The following MYO5B variants were observed in gnomAD, a reference collection of about 807,000 sequenced individuals.
The protein encoded by MYO5B is unconventional myosin-Vb.
A neutral mutation model predicts 229.3 loss-of-function variants in MYO5B; 143 were observed. The ratio of observed to expected loss-of-function variants is 0.62; its 90% CI spans 0.54 to 0.72. The LOEUF (loss-of-function observed/expected upper bound fraction) is 0.72. Among genes scored for constraint, MYO5B ranks in the 30% least tolerant of loss-of-function variants. The pLI, the probability that MYO5B is intolerant of heterozygous loss-of-function variation, is 0.00. For missense variants in MYO5B, 2,321 were observed against 2,331.0 expected (o/e 1.00, Z 0.09); for synonymous variants, 918 against 885.2 (o/e 1.04, Z -0.66).
At chr18:49,896,394 T>C (rs2024779495) in intron 21 of MYO5B, among the ~76,000 whole-genome samples, 1 of 152,204 alleles carries the variant, frequency 6.6e-6, no homozygotes, top group South Asian at 2.1e-4. Context: ...AAGCAGATTC[T>C]ATTTGAACAC....
intron 7 of MYO5B, among the ~76,000 whole-genome samples, chr18:49,988,842 C>T (rs977488782): frequency 6.6e-6 from 1 of 152,168 alleles, no homozygotes; most frequent in African/African-American, 2.4e-5. Flanking sequence ...AGCCCCTGTT[C>T]TGCTTAGCAG....
At chr18:50,022,189 G>C (rs1342295183) in intron 4 of MYO5B, among the ~76,000 whole-genome samples, 1 of 148,092 alleles carries the variant, frequency 6.8e-6, no homozygotes, top group African/African-American at 2.5e-5. Flanking sequence ...CCAGTTAACA[G>C]CATACAGTCT....
chr18:50,089,390 A>T (rs1016015082), intron 1 of MYO5B, among the ~76,000 whole-genome samples: 1 of 152,080 alleles, frequency 6.6e-6, no homozygotes, highest in Admixed American at 6.6e-5. Context: ...AAAAGGAAAA[A>T]AAAAGTTATA....
chr18:49,977,655 A>G (rs1246535416), intron 9 of MYO5B, among the ~76,000 whole-genome samples: 1 of 152,166 alleles, frequency 6.6e-6, no homozygotes, highest in Non-Finnish European at 1.5e-5. Context: ...TGGACTGAAC[A>G]CTGCCTGGGC....
intron 22 of MYO5B, 112 bp from the exon 23 acceptor site, chr18:49,880,567 T>C (rs1033726540): frequency 8.9e-6 from 8 of 899,318 alleles, no homozygotes; most frequent in South Asian, 5.3e-5. Context: ...TTTAAGAAAA[T>C]TGATTTGGTT....
At chr18:50,111,499 T>C (rs2031864583) in intron 1 of MYO5B, among the ~76,000 whole-genome samples, 1 of 152,218 alleles carries the variant, frequency 6.6e-6, no homozygotes, top group Non-Finnish European at 1.5e-5. Context: ...TTCTCCAGAT[T>C]GTATCTCTCA....
intron 3 of MYO5B, among the ~76,000 whole-genome samples, chr18:50,038,152 A>G (rs932712429): frequency 1.3e-5 from 2 of 152,226 alleles, no homozygotes; most frequent in Admixed American, 1.3e-4. Context: ...TTGATCTTTC[A>G]GACAAACAGA....
chr18:50,173,242 G>A (rs2032944085), intron 1 of MYO5B, among the ~76,000 whole-genome samples: 1 of 151,218 alleles, frequency 6.6e-6, no homozygotes, highest in South Asian at 2.1e-4. Flanking sequence ...TCCAGCCTGG[G>A]CAACAGAGCA....
At chr18:49,906,832 C>T (rs2024905464) in intron 18 of MYO5B, among the ~76,000 whole-genome samples, 1 of 152,158 alleles carries the variant, frequency 6.6e-6, no homozygotes, top group Admixed American at 6.5e-5. Flanking sequence ...TGGCAGTGAA[C>T]AAGACGCCTG....
intron 12 of MYO5B, among the ~76,000 whole-genome samples, chr18:49,959,864 G>A (rs11661249): frequency 0.16 from 24,323 of 152,158 alleles, 2,262 homozygotes; most frequent in Non-Finnish European, 0.21. Flanking sequence ...GTCTTGTTAC[G>A]AGCAGCCTGG....
rs1040939554 is a variant in MYO5B, at chr18:49,824,718, G to C, written c.*1753C>G. 5 of 152,216 alleles carry C rather than the reference G, an allele frequency of 3.3e-5. No individual in the cohort carries two copies. The highest frequency in any genetic ancestry group is 1.3e-4 in the Admixed American group (2 of 15,282). The allele number at this position is 152,216 out of a possible 1,614,324, so 9.4% of individuals were successfully genotyped here. A position where few individuals can be genotyped will look rare whatever the true frequency, so the allele number is the denominator to read the frequency against. The stretch of plus-strand genomic sequence containing the variant: ...GTTTTAGATTGGCCTTCTAAATGAA[G>C]TCAGCACATGGATCCATGGGTAAGT... On this transcript the variant is annotated 3_prime_UTR_variant, in exon 40 of 40. Coordinates refer to ENST00000285039, the MANE Select transcript of MYO5B (RefSeq NM_001080467.3).
chr18:49,847,156 G>A lies in MYO5B; in HGVS notation c.4449C>T (p.Asn1483=), dbSNP rs748435645. 1.2e-6 allele frequency: 2 copies of A among 1,614,116 alleles called. No individual in the cohort carries two copies. Among genetic ancestry groups the A allele is most frequent in the East Asian group, 2.2e-5 (1 of 44,876 alleles). The change falls in exon 33 of 40, where the codon AAC becomes AAT. Residue 1483 remains asparagine (N), a synonymous_variant. Coordinates refer to ENST00000285039, the MANE Select transcript of MYO5B (RefSeq NM_001080467.3). ...HKEDEALLIR[N]LVTDLKPQML... ...ACAGAGGGTCCTTACCTGTCACCAGGTTCCGGATGAGGAGGGCCTCGTCCT... is the reference window on the plus strand; with the variant it reads ...ACAGAGGGTCCTTACCTGTCACCAGATTCCGGATGAGGAGGGCCTCGTCCT...
At chr18:50,019,676 G>A (rs1397138784) in intron 4 of MYO5B, among the ~76,000 whole-genome samples, 1 of 152,180 alleles carries the variant, frequency 6.6e-6, no homozygotes, top group Non-Finnish European at 1.5e-5. Flanking sequence ...CTGGCCCAGG[G>A]ATTTTGCCAT....
intron 22 of MYO5B, among the ~76,000 whole-genome samples, chr18:49,894,276 G>A (rs1251720475): frequency 1.3e-5 from 2 of 151,978 alleles, no homozygotes; most frequent in African/African-American, 4.8e-5. Context: ...TGTAGAGATG[G>A]TGGTGGGAGG....
chr18:49,997,803 C>G (rs2026005549), intron 5 of MYO5B, among the ~76,000 whole-genome samples: 1 of 152,132 alleles, frequency 6.6e-6, no homozygotes, highest in African/African-American at 2.4e-5. Context: ...AGACCTTCAA[C>G]TCTAGGTCTC....
At chr18:50,188,268 T>C (rs890647780) in intron 1 of MYO5B, among the ~76,000 whole-genome samples, 2 of 152,154 alleles carry the variant, frequency 1.3e-5, no homozygotes, top group Admixed American at 6.5e-5. Flanking sequence ...TCAAATCCTA[T>C]TCATTCTTTA....
chr18:50,011,980 T>A (rs1184608841), intron 4 of MYO5B, among the ~76,000 whole-genome samples: 2 of 151,954 alleles, frequency 1.3e-5, no homozygotes, highest in Non-Finnish European at 2.9e-5. Flanking sequence ...GCATAGGTAG[T>A]GTTCAGGGAA....
chr18:49,863,416 G>GTCTTTTCCCAAA, intron 28 of MYO5B, 89 bp from the exon 29 acceptor site: 2 of 1,129,344 alleles, frequency 1.8e-6, no homozygotes, highest in Non-Finnish European at 2.7e-6. Context: ...ACATGCCTTT[G>GTCTTTTCCCAAA]GGAAAAGACA....
chr18:50,187,388 G>A (rs562963562), intron 1 of MYO5B, among the ~76,000 whole-genome samples: 15 of 152,350 alleles, frequency 9.8e-5, no homozygotes, highest in African/African-American at 3.6e-4. Flanking sequence ...TGTCTCCTGA[G>A]GTGATGCAGT....
Sources: allele counts gnomAD v4.1 joint callset (sites outside exome capture counted in the v4.1 genomes callset), GRCh38; gene constraint gnomAD v4.1.1; transcripts MANE v1.5; gene names NCBI Gene and HGNC (gene_info 2026-07-23, HGNC 2026-07-21).